The following SETX variants were observed in gnomAD, a reference collection of about 807,000 sequenced individuals.
The protein encoded by SETX is senataxin.
Under a neutral mutation model 227.2 loss-of-function variants are expected in SETX, and 90 were observed. The ratio of observed to expected loss-of-function variants is 0.40; its 90% CI spans 0.33 to 0.47. The LOEUF (loss-of-function observed/expected upper bound fraction) is 0.47. Ranked by LOEUF, SETX falls within the 20% of genes least tolerant of loss-of-function variation. SETX has a pLI of 0.91. For synonymous variants in SETX, 1,210 were observed against 1,113.2 expected (o/e 1.09, Z -1.73); for missense variants, 3,052 against 3,181.5 (o/e 0.96, Z 0.98).
chr9:132,298,181 A>T lies in SETX; in HGVS notation c.5680T>A (p.Ser1894Thr), dbSNP rs748461672. The T allele has an allele frequency of 1.9e-6, 3 of 1,614,134 alleles. No homozygotes were observed. Among genetic ancestry groups the T allele is most frequent in the Non-Finnish European group, 2.5e-6 (3 of 1,180,002 alleles). ...AGTTGGTTCCGACTACCCAACAGAGACATGGCTTTCAACTTCCTTTGTGTA... is the reference window on the plus strand; with the variant it reads ...AGTTGGTTCCGACTACCCAACAGAGTCATGGCTTTCAACTTCCTTTGTGTA... ...VTTQRKLKAM[S>T]LLGSRNQLAR... Residue 1894 changes from serine (S) to threonine (T), a missense_variant, in exon 13 of 26, where the codon TCT becomes ACT. Transcript: ENST00000224140.
At chr9:132,286,126 T>C (rs1393525311) in intron 18 of SETX, among the ~76,000 whole-genome samples, 2 of 144,330 alleles carry the variant, frequency 1.4e-5, no homozygotes, top group East Asian at 2.0e-4. Context: ...GAGGTTGCAG[T>C]GAGCCAAGAT....
chr9:132,331,161 G>T (rs1437312935), intron 8 of SETX, 22 bp from the exon 9 acceptor site: 1 of 1,608,772 alleles, frequency 6.2e-7, no homozygotes, highest in South Asian at 1.1e-5. Flanking sequence ...AGAATAAATA[G>T]AAATTACTGA....
In SETX at chr9:132,264,670, G is replaced by T; in HGVS notation, c.7603C>A (p.Gln2535Lys). 6.2e-7 allele frequency: 1 copy of T among 1,614,202 alleles called. No homozygotes were observed. Among genetic ancestry groups the T allele is most frequent in the Non-Finnish European group, 8.5e-7 (1 of 1,180,036 alleles). ...KDPERPPVHD[Q>K]LQDPRLLKRM... is the part of the protein sequence containing the mutation. ...TTCAGCAGTCGTGGGTCCTGAAGTT[G>T]GTCATGAACAGGAGGTCTTTCAGGG... Residue 2535 changes from glutamine to lysine, a missense_variant, in exon 26 of 26, where the codon CAA (glutamine) becomes AAA (lysine). Around this residue, in one of 10 missense-constraint regions of SETX, gnomAD observed 294 missense variants for 278.8 expected, o/e 1.05. Coordinates refer to ENST00000224140, the MANE Select transcript of SETX (RefSeq NM_015046.7).
intron 13 of SETX, 30 bp from the exon 14 acceptor site, chr9:132,297,084 G>C (rs1429449807): frequency 6.4e-7 from 1 of 1,572,350 alleles, no homozygotes; most frequent in Admixed American, 1.8e-5. Context: ...TTGAGAATGA[G>C]TTGCTGTTTC....
At chr9:132,296,468 G>A (rs1844675351) in intron 14 of SETX, among the ~76,000 whole-genome samples, 1 of 152,080 alleles carries the variant, frequency 6.6e-6, no homozygotes, top group East Asian at 1.9e-4. Flanking sequence ...GGAGGCTGAG[G>A]CAGGAGAATC....
intron 7 of SETX, among the ~76,000 whole-genome samples, chr9:132,332,587 G>A (rs7034128): frequency 0.13 from 18,983 of 147,332 alleles, 1,844 homozygotes; most frequent in East Asian, 0.43. Flanking sequence ...GTAGTTAGAT[G>A]AAGACAATTA....
chr9:132,334,981 T>G (rs1050298988), intron 6 of SETX, among the ~76,000 whole-genome samples: 1 of 151,940 alleles, frequency 6.6e-6, no homozygotes, highest in Non-Finnish European at 1.5e-5. Context: ...CTCACCAATA[T>G]AAGATGCCTT....
chr9:132,331,010 A>C (rs1454175145), intron 9 of SETX, 42 bp downstream of exon 9: 1 of 1,405,296 alleles, frequency 7.1e-7, no homozygotes, highest in African/African-American at 1.4e-5. Flanking sequence ...ACACAATATA[A>C]AGGCAATAAA....
At chr9:132,310,832 T>C (rs1367616248) in intron 11 of SETX, among the ~76,000 whole-genome samples, 1 of 152,244 alleles carries the variant, frequency 6.6e-6, no homozygotes, top group Non-Finnish European at 1.5e-5. Flanking sequence ...GATAAAGATG[T>C]AGACCTTTAT....
upstream of SETX, among the ~76,000 whole-genome samples, chr9:132,355,517 C>A (rs547265218): frequency 6.6e-6 from 1 of 152,234 alleles, no homozygotes. Context: ...TTAGGTCTTG[C>A]GAACAATGCG....
chr9:132,274,240 G>A (rs1473534705), intron 23 of SETX, among the ~76,000 whole-genome samples: 2 of 151,974 alleles, frequency 1.3e-5, no homozygotes, highest in Non-Finnish European at 2.9e-5. Context: ...GTTTTCTTGT[G>A]ATACTTTCCC....
At chr9:132,350,052 A>T (rs1227925441) in intron 2 of SETX, among the ~76,000 whole-genome samples, 1 of 152,174 alleles carries the variant, frequency 6.6e-6, no homozygotes, top group Non-Finnish European at 1.5e-5. Flanking sequence ...GGTTAGAAGG[A>T]GGTTAAAAAA....
At position 132,285,504 on chromosome 9, in the gene SETX, T is replaced by C. The variant is rs1843805071; in HGVS notation, c.6396+919A>G. ...GCTCACGCCTGTAATGCCAACACTT[T>C]GGGAGGCCGAGACGGGGGATGACTT... On this transcript the variant is annotated intron_variant, in intron 18 of 25. Transcript: ENST00000224140. 2.0e-5 allele frequency among the ~76,000 whole-genome samples: 3 copies of C among 149,330 alleles called. No homozygotes were observed. The South Asian group carries it at 6.5e-4, about 32-fold the overall frequency.
intron 11 of SETX, among the ~76,000 whole-genome samples, chr9:132,305,917 A>C (rs1845310339): frequency 6.6e-6 from 1 of 152,212 alleles, no homozygotes; most frequent in Non-Finnish European, 1.5e-5. Flanking sequence ...GGTTTTGATC[A>C]TTGTTCTGTC....
In SETX at chr9:132,329,127, T is replaced by C. The variant is rs544815791; in HGVS notation, c.2471A>G (p.Tyr824Cys). 6.8e-6 allele frequency: 11 copies of C among 1,610,244 alleles called. No homozygotes were observed. In the Admixed American group the frequency reaches 1.3e-4, roughly 20 times the overall value. The part of the protein sequence containing the change: ...NLTVSNIESF[Y>C]SRKDTGVQKG... ...CTGAACTCCTGTATCTTTCCTTGAA[T>C]AGAAACTCTCAATGTTAGATACAGT... Residue 824 changes from tyrosine (Y) to cysteine (C), a missense_variant, in exon 10 of 26, where the codon TAT becomes TGT. By Grantham distance (194) the Tyr-to-Cys change is radical. Around this residue, in one of 10 missense-constraint regions of SETX, gnomAD observed 1,483 missense variants for 1,312.0 expected, o/e 1.13. Coordinates refer to ENST00000224140, the MANE Select transcript of SETX (RefSeq NM_015046.7).
chr9:132,314,213 C>G (rs1845836111), intron 10 of SETX, among the ~76,000 whole-genome samples: 1 of 152,362 alleles, frequency 6.6e-6, no homozygotes, highest in African/African-American at 2.4e-5. Context: ...CTGCCTCAGC[C>G]TCCCAAGTAG....
At chr9:132,303,890 G>A (rs1015654347) in intron 11 of SETX, among the ~76,000 whole-genome samples, 23 of 152,216 alleles carry the variant, frequency 1.5e-4, no homozygotes, top group African/African-American at 4.8e-4. Context: ...GGGAGGCCGA[G>A]GCGGGTGGTT....
chr9:132,300,617 A>G lies in SETX; in HGVS notation c.5548+13T>C. ...ATCTGACATTTCCTGTCAATGCCTC[A>G]TTATTTACTTACTGACTGACGTGCG... is the stretch of plus-strand genomic sequence containing the variant. On this transcript the variant is annotated intron_variant, in intron 12 of 25. Coordinates refer to ENST00000224140, the MANE Select transcript of SETX (RefSeq NM_015046.7). The G allele has an allele frequency of 2.5e-6, 4 of 1,613,068 alleles. No homozygotes were observed. The highest frequency in any genetic ancestry group is 3.4e-6 in the Non-Finnish European group (4 of 1,179,512).
At chr9:132,314,570 T>C (rs1399859818) in intron 10 of SETX, among the ~76,000 whole-genome samples, 1 of 152,124 alleles carries the variant, frequency 6.6e-6, no homozygotes, top group Non-Finnish European at 1.5e-5. Flanking sequence ...AACAATCTCA[T>C]AAAGCACTAT....
Sources: gnomAD v4.1 joint callset for allele counts (sites outside exome capture counted in the v4.1 genomes callset) on GRCh38, gnomAD v4.1.1 for gene constraint, gnomAD v4.1.1 regional missense constraint, MANE v1.5 for transcripts, NCBI Gene and HGNC (gene_info 2026-07-23, HGNC 2026-07-21) for gene names.